The following DMD variants were observed in gnomAD, a reference collection of about 807,000 sequenced individuals.
The protein encoded by DMD is mutant dystrophin.
Under a neutral mutation model 330.1 loss-of-function variants are expected in DMD, and 63 were observed. The observed-to-expected ratio is 0.19, with a 90% CI of 0.16 to 0.24. DMD has a LOEUF of 0.24. DMD is among the 10% of genes least tolerant of loss of function. The pLI, the probability that DMD is intolerant of heterozygous loss-of-function variation, is 1.00. For missense variants in DMD, 3,344 were observed against 2,684.1 expected (o/e 1.25, Z -5.43); for synonymous variants, 1,223 against 959.8 (o/e 1.27, Z -5.07).
At chrX:33,260,398 C>A (rs1164489512) in intron 1 of DMD, among the ~76,000 whole-genome samples, 2 of 111,443 alleles carry the variant, frequency 1.8e-5, no homozygotes, top group African/African-American at 6.5e-5. Context: ...ATTCTCCAGT[C>A]CAGTTACTTT....
At chrX:33,311,011 T>C (rs977736685) in intron 1 of DMD, among the ~76,000 whole-genome samples, 14 of 110,622 alleles carry the variant, frequency 1.3e-4, no homozygotes, top group African/African-American at 4.6e-4. Flanking sequence ...AAAGATATCA[T>C]GGACTTTATA....
intron 43 of DMD, among the ~76,000 whole-genome samples, chrX:32,222,626 G>A (rs1156350790): frequency 8.9e-6 from 1 of 111,986 alleles, no homozygotes; most frequent in African/African-American, 3.2e-5. Flanking sequence ...CCACAAGTAT[G>A]AGTAGTAGTA....
intron 59 of DMD, among the ~76,000 whole-genome samples, chrX:31,460,987 C>A (rs1455710510): frequency 9.0e-6 from 1 of 111,271 alleles, no homozygotes; most frequent in Non-Finnish European, 1.9e-5. Context: ...AAAATACCAA[C>A]AGGAAAAAAT....
intron 4 of DMD, among the ~76,000 whole-genome samples, chrX:32,836,017 A>C (rs1028547411): frequency 6.4e-5 from 7 of 108,679 alleles, no homozygotes. Context: ...GGACAAACTT[A>C]TCACTGGTAT....
intron 54 of DMD, among the ~76,000 whole-genome samples, chrX:31,640,656 A>G (rs2079684999): frequency 8.9e-6 from 1 of 112,627 alleles, no homozygotes; most frequent in Non-Finnish European, 1.9e-5. Context: ...TCAAGGTCCT[A>G]GGAAATATTT....
At chrX:31,530,671 A>ATT (rs1176859928) in intron 55 of DMD, among the ~76,000 whole-genome samples, 6 of 55,991 alleles carry the variant, frequency 1.1e-4, no homozygotes, top group East Asian at 1.2e-3. Flanking sequence ...TTTTTTTTTA[A>ATT]TTTTTTTTTT....
chrX:31,833,359 A>AAGAG (rs61677647), intron 49 of DMD, among the ~76,000 whole-genome samples: 11,633 of 50,303 alleles, frequency 0.23, 1,800 homozygotes, highest in East Asian at 0.49. Flanking sequence ...GAGGGAGGGA[A>AAGAG]AGAGAGAGAG....
intron 11 of DMD, among the ~76,000 whole-genome samples, chrX:32,628,046 A>T (rs886434605): frequency 4.6e-5 from 5 of 109,555 alleles, no homozygotes; most frequent in Non-Finnish European, 9.5e-5. Context: ...TGTGACAAAC[A>T]TTCCAATTAT....
At chrX:33,264,843 T>A (rs1043846951) in intron 1 of DMD, among the ~76,000 whole-genome samples, 1 of 110,728 alleles carries the variant, frequency 9.0e-6, no homozygotes, top group Non-Finnish European at 1.9e-5. Flanking sequence ...TGCTGGACTA[T>A]AAACTCCCAT....
Position 32,239,145 on chromosome X carries a change from T to G in DMD, c.6291-22082A>C, listed in dbSNP as rs776145150. 3.6e-5 allele frequency among the ~76,000 whole-genome samples: 4 copies of G among 111,488 alleles called. No individual in the cohort carries two copies. The South Asian group carries it at 1.5e-3, about 42-fold the overall frequency. On this transcript the variant is annotated intron_variant, in intron 43 of 78. Coordinates refer to ENST00000357033, the MANE Select transcript of DMD (RefSeq NM_004006.3). ...GCCAGTAGTACATCCTTTCCTTATT[T>G]GTGACAACGAAAAAGGTCTCCGTAC...
intron 62 of DMD, among the ~76,000 whole-genome samples, chrX:31,301,025 G>C (rs2054601884): frequency 8.9e-6 from 1 of 112,113 alleles, no homozygotes; most frequent in African/African-American, 3.2e-5. Flanking sequence ...TGGATCCCTG[G>C]AGCAGATGCC....
chrX:32,662,587 T>G (rs145550570), intron 9 of DMD, among the ~76,000 whole-genome samples: 2,646 of 111,662 alleles, frequency 0.024, 61 homozygotes, highest in African/African-American at 0.069. Context: ...TTGTTCCGTA[T>G]AGTTGGCCAA....
rs1435714755 is a variant in DMD, at chrX:32,867,084, C to T, written c.94-17264G>A. On this transcript the variant is annotated intron_variant, in intron 2 of 78. Coordinates refer to ENST00000357033, the MANE Select transcript of DMD (RefSeq NM_004006.3). Reference sequence around the variant, plus strand: ...CTTTCGTAAGACTTAGTGTTTAACTCTTCTGTTGTAGCCACTGTATTGTAA... The same window carrying T: ...CTTTCGTAAGACTTAGTGTTTAACTTTTCTGTTGTAGCCACTGTATTGTAA... Among the ~76,000 whole-genome samples, 3 of 110,492 alleles carry T rather than the reference C, an allele frequency of 2.7e-5. No individual in the cohort carries two copies. The Admixed American group carries it at 2.9e-4, about 11-fold the overall frequency.
intron 37 of DMD, among the ~76,000 whole-genome samples, chrX:32,357,297 G>A (rs2097805277): frequency 9.0e-6 from 1 of 111,340 alleles, no homozygotes; most frequent in South Asian, 3.8e-4. Flanking sequence ...CTTAACTCTA[G>A]GCTACCTCTA....
intron 47 of DMD, among the ~76,000 whole-genome samples, chrX:31,924,460 G>A (rs1162051048): frequency 2.7e-5 from 3 of 111,862 alleles, no homozygotes; most frequent in Non-Finnish European, 5.6e-5. Flanking sequence ...TACATATTTA[G>A]AAGCAACATG....
chrX:31,147,536 G>T lies in DMD; in HGVS notation c.10554-18C>A. On this transcript the variant is annotated intron_variant, in intron 74 of 78. Transcript: ENST00000357033. ...GCAGATTCCTATTGGCATCAAAAAA[G>T]TAAAAAAGAAAAAAAAAGAAAGAAA... is the stretch of plus-strand genomic sequence containing the variant. 9.6e-7 allele frequency: 1 copy of T among 1,039,041 alleles called. No homozygotes were observed. The highest frequency in any genetic ancestry group is 1.3e-6 in the Non-Finnish European group (1 of 787,447). 85.6% of individuals were successfully genotyped at this position (1,039,041 alleles called of 1,213,427 possible). A position where few individuals can be genotyped will look rare whatever the true frequency, so the allele number is the denominator to read the frequency against.
intron 7 of DMD, among the ~76,000 whole-genome samples, chrX:32,760,154 G>T (rs761524169): frequency 1.2e-4 from 13 of 111,609 alleles, no homozygotes; most frequent in Admixed American, 1.1e-3. Context: ...TATGTATGTG[G>T]AGATGTACAT....
At chrX:31,824,103 T>A (rs1038783410) in intron 49 of DMD, among the ~76,000 whole-genome samples, 19 of 111,664 alleles carry the variant, frequency 1.7e-4, no homozygotes, top group African/African-American at 6.2e-4. Flanking sequence ...CTGCTGATCA[T>A]ATTCCCTCAC....
rs1489541675 is a variant in DMD, at chrX:31,120,274, G to A, written c.*1645C>T. ...TTCTCCTCTTTTTTGAGCAATTTTT[G>A]TTTGTTTGTTTATATATTTAACCTG... On this transcript the variant is annotated 3_prime_UTR_variant, in exon 79 of 79. Transcript: ENST00000357033. 3 of 111,648 alleles carry A rather than the reference G, an allele frequency of 2.7e-5. No individual in the cohort carries two copies. The highest frequency in any genetic ancestry group is 9.8e-5 in the African/African-American group (3 of 30,624). 9.2% of individuals were successfully genotyped at this position (111,648 alleles called of 1,213,427 possible). A position where few individuals can be genotyped will look rare whatever the true frequency, so the allele number is the denominator to read the frequency against.
Sources: gnomAD v4.1 joint callset for allele counts (sites outside exome capture counted in the v4.1 genomes callset) on GRCh38, gnomAD v4.1.1 for gene constraint, MANE v1.5 for transcripts, NCBI Gene and HGNC (gene_info 2026-07-23, HGNC 2026-07-21) for gene names.